The following TRAPPC12 variants were observed in gnomAD, a reference collection of about 807,000 sequenced individuals.
TRAPPC12 encodes TPR repeat protein 15.
TRAPPC12 carries 61 observed loss-of-function variants against 69.2 expected under a neutral mutation model. That is an observed-to-expected ratio of 0.88 (90% confidence interval 0.72 to 1.09). The LOEUF is 1.09. Ranked by LOEUF, TRAPPC12 falls within the 50% of genes least tolerant of loss-of-function variation. The pLI, the probability that TRAPPC12 is intolerant of heterozygous loss-of-function variation, is 0.00. For missense variants in TRAPPC12, 1,101 were observed against 1,016.4 expected (o/e 1.08, Z -1.13); for synonymous variants, 469 against 438.9 (o/e 1.07, Z -0.86).
chr2:3,402,475 G>C (rs1661499597), intron 3 of TRAPPC12, among the ~76,000 whole-genome samples: 1 of 152,118 alleles, frequency 6.6e-6, no homozygotes, highest in Admixed American at 6.5e-5. Flanking sequence ...TGTAATCCCA[G>C]ATACTCAGGA....
intron 3 of TRAPPC12, among the ~76,000 whole-genome samples, chr2:3,408,393 A>G (rs1234397361): frequency 2.0e-5 from 3 of 152,212 alleles, no homozygotes; most frequent in Non-Finnish European, 4.4e-5. Context: ...TTGGGAGGCC[A>G]AGGTGGGTGG....
chr2:3,462,933 T>C (rs559993919), intron 8 of TRAPPC12: 23 of 471,174 alleles, frequency 4.9e-5, no homozygotes, highest in South Asian at 3.6e-4. Context: ...ATCAGCTACC[T>C]TCCGTCTTGC....
At chr2:3,423,512 A>AC (rs1662937083) in intron 4 of TRAPPC12, among the ~76,000 whole-genome samples, 1 of 44,092 alleles carries the variant, frequency 2.3e-5, no homozygotes, top group East Asian at 6.0e-4. Flanking sequence ...CCTCCTCCCC[A>AC]CCCCCAGCCC....
At chr2:3,443,042 A>T (rs1558386849) in intron 5 of TRAPPC12, among the ~76,000 whole-genome samples, 1 of 152,216 alleles carries the variant, frequency 6.6e-6, no homozygotes, top group Admixed American at 6.5e-5. Context: ...TTAGAAGAGA[A>T]CACAATATTA....
intron 3 of TRAPPC12, among the ~76,000 whole-genome samples, chr2:3,407,025 G>C (rs1216666178): frequency 6.6e-6 from 1 of 152,184 alleles, no homozygotes; most frequent in Non-Finnish European, 1.5e-5. Context: ...TTTAATTCTA[G>C]TGTGTCCTAA....
intron 5 of TRAPPC12, among the ~76,000 whole-genome samples, chr2:3,433,770 C>G (rs11887923): frequency 6.6e-6 from 1 of 152,086 alleles, no homozygotes; most frequent in Non-Finnish European, 1.5e-5. Context: ...GAGAACACTT[C>G]TACAGTATTT....
chr2:3,396,070 G>T (rs954605116), intron 2 of TRAPPC12, among the ~76,000 whole-genome samples: 76 of 152,220 alleles, frequency 5.0e-4, no homozygotes, highest in African/African-American at 1.6e-3. Flanking sequence ...TCACCACATT[G>T]GCCAGGCTGG....
intron 5 of TRAPPC12, among the ~76,000 whole-genome samples, chr2:3,427,892 C>T (rs13014747): frequency 0.31 from 41,923 of 135,998 alleles, 6,001 homozygotes; most frequent in South Asian, 0.43. Flanking sequence ...GACTCTGTCC[C>T]ACAAAAAAAA....
chr2:3,421,177 G>T (rs1413579922), intron 3 of TRAPPC12, among the ~76,000 whole-genome samples: 1 of 152,202 alleles, frequency 6.6e-6, no homozygotes, highest in Non-Finnish European at 1.5e-5. Context: ...TAAACATTCT[G>T]ATCTTATTTT....
chr2:3,469,833 A>G (rs1665984384), intron 9 of TRAPPC12, among the ~76,000 whole-genome samples: 1 of 152,258 alleles, frequency 6.6e-6, no homozygotes, highest in Non-Finnish European at 1.5e-5. Flanking sequence ...CAGGGCCAGC[A>G]GCAGTCATGA....
intron 5 of TRAPPC12, among the ~76,000 whole-genome samples, chr2:3,435,917 G>C (rs1216721680): frequency 6.6e-6 from 1 of 152,202 alleles, no homozygotes; most frequent in East Asian, 1.9e-4. Context: ...CCTAAGGAAG[G>C]TCAATGTGCA....
chr2:3,457,580 G>A (rs756007075), intron 6 of TRAPPC12, 41 bp from the exon 7 acceptor site: 1 of 1,557,138 alleles, frequency 6.4e-7, no homozygotes, highest in Non-Finnish European at 8.8e-7. Flanking sequence ...GACAAAAATT[G>A]GTTCCCATGA....
Position 3,420,254 on chromosome 2 carries a change from G to A in TRAPPC12, c.1165-1627G>A, listed in dbSNP as rs549501817. Among the ~76,000 whole-genome samples, 9 of 152,188 alleles carry A rather than the reference G, an allele frequency of 5.9e-5. No homozygotes were observed. The South Asian group carries it at 1.2e-3, about 21-fold the overall frequency. ...ACTGAGATGCCTGCAGCCCAGGGAC[G>A]GCTGGTGGCTTGCAGCAGGTCACAC... is the stretch of plus-strand genomic sequence containing the variant. On this transcript the variant is annotated intron_variant, in intron 3 of 11. Coordinates refer to ENST00000324266, the MANE Select transcript of TRAPPC12 (RefSeq NM_016030.6).
At chr2:3,402,164 TATA>T (rs1174895997) in intron 3 of TRAPPC12, among the ~76,000 whole-genome samples, 11 of 152,262 alleles carry the variant, frequency 7.2e-5, no homozygotes, top group African/African-American at 2.7e-4. Flanking sequence ...CTTCATCATA[TATA>T]ATAGAGATAA....
intron 2 of TRAPPC12, among the ~76,000 whole-genome samples, chr2:3,392,398 C>T (rs538224910): frequency 6.6e-6 from 1 of 152,268 alleles, no homozygotes; most frequent in South Asian, 2.1e-4. Context: ...ATTTCAGTGT[C>T]CTGTGGCTCA....
At position 3,477,812 on chromosome 2, in the gene TRAPPC12, T is replaced by C. The variant is rs777604681; in HGVS notation, c.1877+17T>C. ...GATGAACAGGTAAATATTTTAAAAC[T>C]AAATATATGTTTTCTCAAATTTCCC... On this transcript the variant is annotated intron_variant, in intron 10 of 11. Coordinates refer to ENST00000324266, the MANE Select transcript of TRAPPC12 (RefSeq NM_016030.6). 7.2e-6 allele frequency: 11 copies of C among 1,524,632 alleles called. No individual in the cohort carries two copies. The highest frequency in any genetic ancestry group is 6.0e-5 in the South Asian group (5 of 83,454). The allele number at this position is 1,524,632 out of a possible 1,614,324, so 94.4% of individuals were successfully genotyped here.
At chr2:3,433,179 C>G (rs1663542926) in intron 5 of TRAPPC12, among the ~76,000 whole-genome samples, 1 of 152,106 alleles carries the variant, frequency 6.6e-6, no homozygotes, top group Non-Finnish European at 1.5e-5. Flanking sequence ...ACAGGCAAAC[C>G]AAAGGCATGG....
chr2:3,460,194 C>G, intron 7 of TRAPPC12, 69 bp from the exon 8 acceptor site: 1 of 861,340 alleles, frequency 1.2e-6, no homozygotes, highest in South Asian at 1.3e-5. Context: ...ATTCACAGGA[C>G]CCAGTAATTG....
At chr2:3,457,845 G>A in intron 7 of TRAPPC12, 152 bp downstream of exon 7, 1 of 1,451,070 alleles carries the variant, frequency 6.9e-7, no homozygotes, top group South Asian at 1.4e-5. Context: ...CCTTTCTTGG[G>A]GAAGCCAAGC....
Sources: gnomAD v4.1 joint callset for allele counts (sites outside exome capture counted in the v4.1 genomes callset) on GRCh38, gnomAD v4.1.1 for gene constraint, MANE v1.5 for transcripts, NCBI Gene and HGNC (gene_info 2026-07-23, HGNC 2026-07-21) for gene names.